Variants in PCDHA8 observed in about 807,000 individuals in gnomAD.
PCDHA8 encodes protocadherin alpha-8.
In PCDHA8, 53 loss-of-function variants were observed where a neutral mutation model predicts 61.8. The observed-to-expected ratio is 0.86, with a 90% confidence interval of 0.69 to 1.08. The LOEUF (loss-of-function observed/expected upper bound fraction) is 1.08, where lower values mean the gene tolerates loss of function less well. PCDHA8 is among the 50% of genes least tolerant of loss of function. The pLI is 0.00. For synonymous variants in PCDHA8, 618 were observed against 556.6 expected, an observed-to-expected ratio of 1.11 and a Z score of -1.55; for missense variants, 1,293 against 1,245.0, an observed-to-expected ratio of 1.04 and a Z score of -0.58.
intron 1 of PCDHA8, chr5:140,869,913 C>A (rs782111162): frequency 6.2e-7 from 1 of 1,610,636 alleles, no homozygotes; most frequent in African/African-American, 1.3e-5. Flanking sequence ...CAGACCGAGA[C>A]GAAGGAGTCA....
chr5:141,008,022 T>C (rs1355928123), intron 3 of PCDHA8, among the ~76,000 whole-genome samples: 3 of 152,226 alleles, frequency 2.0e-5, no homozygotes, highest in Non-Finnish European at 4.4e-5. Context: ...TCCTTTTTTT[T>C]CTTGTTAATC....
chr5:140,882,990 A>C, intron 1 of PCDHA8: 1 of 1,614,130 alleles, frequency 6.2e-7, no homozygotes, highest in East Asian at 2.2e-5. Context: ...AACGCCCCGG[A>C]ATTTTACCAA....
chr5:140,852,838 C>T lies in PCDHA8; in HGVS notation c.2394+9123C>T, dbSNP rs2042489635. 6 of 968,840 alleles carry T rather than the reference C, an allele frequency of 6.2e-6. 1 individual carries two copies. The Admixed American group carries it at 2.5e-4, about 41-fold the overall frequency. The allele number at this position is 968,840 out of a possible 1,614,324, so 60.0% of individuals were successfully genotyped here. A position where few individuals can be genotyped will look rare whatever the true frequency, so the allele number is the denominator to read the frequency against. Reference sequence around the variant, plus strand: ...CCTAAGTCCTCCAGTCTCCTTAGAGCTAGTACTTACTAAGCATTTACTATG... The same window carrying T: ...CCTAAGTCCTCCAGTCTCCTTAGAGTTAGTACTTACTAAGCATTTACTATG... On this transcript the variant is annotated intron_variant, in intron 1 of 3. Coordinates refer to ENST00000531613, the MANE Select transcript of PCDHA8 (RefSeq NM_018911.3).
Position 140,843,439 on chromosome 5 carries a change from G to A in PCDHA8, c.2118G>A (p.Ala706=), listed in dbSNP as rs2150360020. ...TGTACCTGATCATCGCCATCTGCGC[G>A]GTATCCAGCCTGCTGGTGCTCACGC... is the stretch of plus-strand genomic sequence containing the variant. ...VNVYLIIAIC[A]VSSLLVLTLL... Residue 706 remains alanine (A), a synonymous_variant, in exon 1 of 4, where the codon GCG becomes GCA. Coordinates refer to ENST00000531613, the MANE Select transcript of PCDHA8 (RefSeq NM_018911.3). 5 of 1,596,092 alleles carry A rather than the reference G, an allele frequency of 3.1e-6. No individual in the cohort carries two copies. Among genetic ancestry groups the A allele is most frequent in the South Asian group, 1.1e-5 (1 of 90,510 alleles).
intron 3 of PCDHA8, among the ~76,000 whole-genome samples, chr5:140,991,401 T>C (rs1271447254): frequency 6.6e-6 from 1 of 152,218 alleles, no homozygotes; most frequent in Non-Finnish European, 1.5e-5. Context: ...TGTATTTATT[T>C]CCCATTATGC....
At chr5:140,854,583 A>T (rs1554147343) in intron 1 of PCDHA8, 1 of 149,916 alleles carries the variant, frequency 6.7e-6, no homozygotes, top group African/African-American at 2.4e-5. Flanking sequence ...AGATTTTAAT[A>T]AAAAAAGTTT....
chr5:140,906,999 G>C (rs187849442), intron 1 of PCDHA8, among the ~76,000 whole-genome samples: 1 of 152,088 alleles, frequency 6.6e-6, no homozygotes, highest in Non-Finnish European at 1.5e-5. Flanking sequence ...TCCTCCCTCT[G>C]GAACTAAGAC....
chr5:140,975,983 T>A (rs975014640), intron 1 of PCDHA8, among the ~76,000 whole-genome samples: 31 of 152,290 alleles, frequency 2.0e-4, no homozygotes, highest in Admixed American at 2.0e-3. Flanking sequence ...AGCATAGTCC[T>A]GGGAGGTACC....
At chr5:140,860,617 A>G (rs2046479685) in intron 1 of PCDHA8, 1 of 152,238 alleles carries the variant, frequency 6.6e-6, no homozygotes, top group Non-Finnish European at 1.5e-5. Context: ...GAGAAACATA[A>G]ACATATGCAG....
At chr5:140,879,201 G>A (rs2057895897) in intron 1 of PCDHA8, among the ~76,000 whole-genome samples, 1 of 152,164 alleles carries the variant, frequency 6.6e-6, no homozygotes, top group Non-Finnish European at 1.5e-5. Context: ...TTAAATTATG[G>A]CAGTAGAAAT....
chr5:140,863,783 G>C, intron 1 of PCDHA8: 1 of 226,522 alleles, frequency 4.4e-6, no homozygotes, highest in Non-Finnish European at 8.8e-6. Context: ...CGGATCACTC[G>C]AGGCCAGGAG....
chr5:140,900,233 G>GT (rs1261263702), intron 1 of PCDHA8, among the ~76,000 whole-genome samples: 7 of 151,834 alleles, frequency 4.6e-5, no homozygotes, highest in Non-Finnish European at 7.4e-5. Flanking sequence ...ACTGGATCTT[G>GT]TTTTTTTTAT....
At chr5:140,927,612 C>T (rs781873236) in intron 1 of PCDHA8, 12 of 1,614,172 alleles carry the variant, frequency 7.4e-6, no homozygotes, top group Non-Finnish European at 8.5e-6. Context: ...TATACCGCAC[C>T]AAGGTTCCAG....
At chr5:140,953,545 C>A (rs551898012) in intron 1 of PCDHA8, among the ~76,000 whole-genome samples, 1 of 152,204 alleles carries the variant, frequency 6.6e-6, no homozygotes, top group Admixed American at 6.5e-5. Context: ...CATGCTGATT[C>A]TTTTCTCCAA....
intron 3 of PCDHA8, among the ~76,000 whole-genome samples, chr5:140,995,247 A>G (rs1377733694): frequency 6.6e-6 from 1 of 152,186 alleles, no homozygotes; most frequent in Non-Finnish European, 1.5e-5. Context: ...TAAGTAAAAT[A>G]AGGGTACTTG....
At chr5:140,910,399 T>G (rs1461842314) in intron 1 of PCDHA8, among the ~76,000 whole-genome samples, 1 of 152,172 alleles carries the variant, frequency 6.6e-6, no homozygotes, top group East Asian at 1.9e-4. Context: ...GACTGGCCCC[T>G]GCCACCTCGA....
rs1327577851 is a variant in PCDHA8 at position 140,841,586 on chromosome 5, C to T, written c.265C>T (p.Arg89Trp). 1 of 1,614,026 alleles carries T rather than the reference C, an allele frequency of 6.2e-7. No individual in the cohort carries two copies. Among genetic ancestry groups the T allele is most frequent in the Non-Finnish European group, 8.5e-7 (1 of 1,179,996 alleles). ...GAATGGCATTTTGTTTGTGAATTCT[C>T]GGATCGACCGCGAGGAGCTGTGCGG... ...LQNGILFVNS[R>W]IDREELCGRS... Residue 89 changes from arginine to tryptophan, a missense_variant, in exon 1 of 4, where the codon CGG becomes TGG. Arg to Trp is a moderately radical substitution (Grantham distance 101, BLOSUM62 -3). Coordinates refer to ENST00000531613, the MANE Select transcript of PCDHA8 (RefSeq NM_018911.3).
chr5:140,857,900 C>A, intron 1 of PCDHA8: 2 of 1,597,730 alleles, frequency 1.3e-6, no homozygotes, highest in African/African-American at 1.3e-5. Context: ...GGTTGGTGCA[C>A]GCATCCCGTT....
intron 1 of PCDHA8, among the ~76,000 whole-genome samples, chr5:140,975,698 T>C (rs1298498012): frequency 6.6e-6 from 1 of 152,202 alleles, no homozygotes; most frequent in Non-Finnish European, 1.5e-5. Flanking sequence ...TTTAAACTTA[T>C]TTTACTTTAA....
Sources: gnomAD v4.1 joint callset for allele counts (sites outside exome capture counted in the v4.1 genomes callset) on GRCh38, gnomAD v4.1.1 for gene constraint, MANE v1.5 for transcripts, NCBI Gene and HGNC (gene_info 2026-07-23, HGNC 2026-07-21) for gene names.